Variants in PAPPA observed in about 807,000 individuals in gnomAD.
PAPPA encodes pappalysin 1.
PAPPA carries 60 observed loss-of-function variants against 164.0 expected under a neutral mutation model. The ratio of observed to expected loss-of-function variants is 0.37; its 90% CI spans 0.30 to 0.45. The LOEUF is 0.45. Among genes scored for constraint, PAPPA ranks in the 20% least tolerant of loss-of-function variants. The pLI, the probability that PAPPA is intolerant of heterozygous loss-of-function variation, is 1.00. For synonymous variants in PAPPA, 875 were observed against 814.1 expected (o/e 1.07, Z -1.27); for missense variants, 1,782 against 2,087.3 (o/e 0.85, Z 2.85).
At chr9:116,377,162 A>G (rs758203861) in intron 19 of PAPPA, among the ~76,000 whole-genome samples, 2 of 152,022 alleles carry the variant, frequency 1.3e-5, no homozygotes, top group Non-Finnish European at 2.9e-5. Flanking sequence ...CTGCAGTCAC[A>G]CACATGTATG....
intron 7 of PAPPA, among the ~76,000 whole-genome samples, chr9:116,262,829 A>G (rs1235189841): frequency 1.3e-5 from 2 of 152,182 alleles, no homozygotes; most frequent in Non-Finnish European, 2.9e-5. Context: ...TTAGACCAAC[A>G]ATGAAATAGG....
chr9:116,175,421 G>A (rs1261167630), intron 1 of PAPPA, among the ~76,000 whole-genome samples: 2 of 152,152 alleles, frequency 1.3e-5, no homozygotes, highest in South Asian at 4.1e-4. Context: ...GTAAGATAAT[G>A]CATACTTAAT....
intron 8 of PAPPA, among the ~76,000 whole-genome samples, chr9:116,266,437 AT>A (rs1845068738): frequency 6.6e-6 from 1 of 152,232 alleles, no homozygotes; most frequent in Non-Finnish European, 1.5e-5. Context: ...ATTGTATCAT[AT>A]TATACAACAA....
chr9:116,272,114 G>T (rs1371461499), intron 9 of PAPPA, among the ~76,000 whole-genome samples: 2 of 152,166 alleles, frequency 1.3e-5, no homozygotes, highest in African/African-American at 4.8e-5. Context: ...TGTTGTTTCA[G>T]CCCCACTTGG....
chr9:116,357,671 C>T (rs910763786), intron 17 of PAPPA, among the ~76,000 whole-genome samples: 5 of 152,192 alleles, frequency 3.3e-5, no homozygotes, highest in African/African-American at 1.2e-4. Context: ...AGCTACTCAT[C>T]TCAGGATTTA....
At chr9:116,326,173 T>C (rs898231519) in intron 10 of PAPPA, among the ~76,000 whole-genome samples, 1 of 152,150 alleles carries the variant, frequency 6.6e-6, no homozygotes, top group Non-Finnish European at 1.5e-5. Context: ...TCCTCCAACC[T>C]GAGAGGACCT....
chr9:116,218,595 AAG>A (rs1168605239), intron 4 of PAPPA, among the ~76,000 whole-genome samples: 3 of 152,170 alleles, frequency 2.0e-5, no homozygotes, highest in Non-Finnish European at 4.4e-5. Flanking sequence ...CACCCTGGAA[AAG>A]AGAGATTAGG....
intron 1 of PAPPA, among the ~76,000 whole-genome samples, chr9:116,164,449 G>T (rs932172059): frequency 6.6e-6 from 1 of 152,202 alleles, no homozygotes; most frequent in African/African-American, 2.4e-5. Context: ...ACTTTAGATT[G>T]TAGAGAACCC....
chr9:116,179,122 G>A (rs1232757814), intron 1 of PAPPA, among the ~76,000 whole-genome samples: 1 of 152,220 alleles, frequency 6.6e-6, no homozygotes, highest in African/African-American at 2.4e-5. Context: ...CATCTGTGAA[G>A]TATACAGGAT....
intron 19 of PAPPA, among the ~76,000 whole-genome samples, chr9:116,370,300 A>G (rs186143105): frequency 5.3e-5 from 8 of 152,196 alleles, no homozygotes; most frequent in Admixed American, 4.6e-4. Context: ...ATATGTCCCT[A>G]TCAGGTGGGT....
At chr9:116,257,584 C>A (rs1250920507) in intron 7 of PAPPA, among the ~76,000 whole-genome samples, 1 of 151,920 alleles carries the variant, frequency 6.6e-6, no homozygotes, top group Non-Finnish European at 1.5e-5. Flanking sequence ...CGCCTGTAGT[C>A]CCAGCTACTC....
chr9:116,297,164 CT>C (rs1173450687), intron 9 of PAPPA, among the ~76,000 whole-genome samples: 1 of 151,998 alleles, frequency 6.6e-6, no homozygotes, highest in African/African-American at 2.4e-5. Flanking sequence ...AGAAAATGAC[CT>C]TCTATAAGTA....
intron 13 of PAPPA, among the ~76,000 whole-genome samples, chr9:116,339,958 A>G (rs1846112721): frequency 6.6e-6 from 1 of 152,170 alleles, no homozygotes; most frequent in Non-Finnish European, 1.5e-5. Flanking sequence ...AATATATTAA[A>G]CATATAGATA....
intron 5 of PAPPA, among the ~76,000 whole-genome samples, chr9:116,225,419 G>T (rs560590662): frequency 6.6e-6 from 1 of 152,162 alleles, no homozygotes; most frequent in African/African-American, 2.4e-5. Flanking sequence ...ATAATAGGGG[G>T]TGGGATCAAT....
chr9:116,223,456 C>T (rs775685357), intron 5 of PAPPA, among the ~76,000 whole-genome samples: 11 of 152,268 alleles, frequency 7.2e-5, no homozygotes. Context: ...AGATATGTCT[C>T]TATTACACAG....
intron 14 of PAPPA, among the ~76,000 whole-genome samples, chr9:116,346,367 T>C (rs1385761508): frequency 1.3e-5 from 2 of 152,296 alleles, no homozygotes; most frequent in Non-Finnish European, 1.5e-5. Flanking sequence ...CTCTTGACTA[T>C]TGAGCCGCCA....
intron 21 of PAPPA, among the ~76,000 whole-genome samples, chr9:116,392,916 T>C (rs1846913744): frequency 6.6e-6 from 1 of 152,198 alleles, no homozygotes; most frequent in South Asian, 2.1e-4. Context: ...CTTACAAGCA[T>C]GTAGTGGAGA....
At chr9:116,172,511 A>G (rs562044300) in intron 1 of PAPPA, among the ~76,000 whole-genome samples, 2 of 152,326 alleles carry the variant, frequency 1.3e-5, no homozygotes, top group African/African-American at 4.8e-5. Context: ...GTCTGTAGAC[A>G]TTGCCAAATG....
At chr9:116,292,596 G>C (rs1294517511) in intron 9 of PAPPA, among the ~76,000 whole-genome samples, 1 of 152,128 alleles carries the variant, frequency 6.6e-6, no homozygotes, top group Non-Finnish European at 1.5e-5. Flanking sequence ...AATGTGGGGA[G>C]AAATCAGTAT....
Sources: gnomAD v4.1 joint callset for allele counts (sites outside exome capture counted in the v4.1 genomes callset) on GRCh38, gnomAD v4.1.1 for gene constraint, MANE v1.5 for transcripts, NCBI Gene and HGNC (gene_info 2026-07-23, HGNC 2026-07-21) for gene names.